Variants in AFF3 observed in about 807,000 individuals in gnomAD.
The protein encoded by AFF3 is AF4/FMR2 family member 3.
A neutral mutation model predicts 129.7 loss-of-function variants in AFF3; 32 were observed. That is an observed-to-expected ratio of 0.25 (90% confidence interval 0.19 to 0.33). AFF3 has a LOEUF of 0.33. AFF3 is among the 10% of genes least tolerant of loss of function. The pLI is 1.00. For synonymous variants in AFF3, 644 were observed against 635.4 expected (o/e 1.01, Z -0.20); for missense variants, 1,373 against 1,592.0 (o/e 0.86, Z 2.34).
rs572661455 is a variant in AFF3 at position 99,760,586 on chromosome 2, C to T, written c.922-8285G>A. ...TTTCATTACAAGGACACTGATCCCA[C>T]GTCACTGTAGCCATGGTCCTCACCC... On this transcript the variant is annotated intron_variant, in intron 8 of 24. Coordinates refer to ENST00000672756, the MANE Select transcript of AFF3 (RefSeq NM_001386135.1). 1.1e-4 allele frequency among the ~76,000 whole-genome samples: 17 copies of T among 152,300 alleles called. No individual in the cohort carries two copies. In the South Asian group the frequency reaches 1.9e-3, roughly 17 times the overall value.
chr2:99,618,221 A>ATTTT (rs1681632191), intron 13 of AFF3, among the ~76,000 whole-genome samples: 2 of 103,468 alleles, frequency 1.9e-5, no homozygotes, highest in East Asian at 2.7e-4. Context: ...TGCTCATAAC[A>ATTTT]TTCTTTTTTT....
intron 8 of AFF3, among the ~76,000 whole-genome samples, chr2:99,790,948 G>A (rs1229919039): frequency 2.0e-5 from 3 of 152,204 alleles, no homozygotes; most frequent in African/African-American, 7.2e-5. Flanking sequence ...TATACCCATA[G>A]AATGGAACGC....
intron 13 of AFF3, among the ~76,000 whole-genome samples, chr2:99,644,334 CT>C (rs1684493152): frequency 3.3e-5 from 5 of 151,524 alleles, no homozygotes; most frequent in Admixed American, 2.6e-4. Flanking sequence ...TTCATGTTGG[CT>C]TTTTTGCTCG....
intron 7 of AFF3, among the ~76,000 whole-genome samples, chr2:99,980,697 T>C (rs193118589): frequency 1.8e-4 from 28 of 152,378 alleles, no homozygotes; most frequent in Admixed American, 4.6e-4. Context: ...TCAGTCACTG[T>C]ATTGTATTTA....
chr2:99,890,888 T>C (rs1000396089), intron 7 of AFF3, among the ~76,000 whole-genome samples: 10 of 152,104 alleles, frequency 6.6e-5, no homozygotes, highest in Admixed American at 5.9e-4. Context: ...TGTCTTCTGA[T>C]AGCCAAACTG....
At chr2:99,955,123 A>G (rs1676519451) in intron 7 of AFF3, among the ~76,000 whole-genome samples, 1 of 152,176 alleles carries the variant, frequency 6.6e-6, no homozygotes, top group South Asian at 2.1e-4. Context: ...GTAATTGTAT[A>G]ACATACAAAA....
intron 2 of AFF3, among the ~76,000 whole-genome samples, chr2:100,121,863 C>T (rs571748630): frequency 4.6e-5 from 7 of 151,386 alleles, no homozygotes; most frequent in African/African-American, 1.7e-4. Flanking sequence ...GAGATCGAGA[C>T]CATCCTGGCT....
At chr2:99,996,082 C>T (rs1680808602) in intron 7 of AFF3, among the ~76,000 whole-genome samples, 1 of 152,036 alleles carries the variant, frequency 6.6e-6, no homozygotes, top group Admixed American at 6.5e-5. Flanking sequence ...AAACCTAAAA[C>T]AGCTTAGATA....
At chr2:100,104,854 T>G in intron 3 of AFF3, 1 of 475,050 alleles carries the variant, frequency 2.1e-6, no homozygotes, top group Non-Finnish European at 2.7e-6. Context: ...CCCGCCTCTT[T>G]CTCCTCCGGG....
At chr2:100,072,587 G>A (rs1316381104) in intron 4 of AFF3, among the ~76,000 whole-genome samples, 1 of 152,162 alleles carries the variant, frequency 6.6e-6, no homozygotes, top group Non-Finnish European at 1.5e-5. Context: ...TGTCCTACTG[G>A]TAAAGCCTGC....
At chr2:99,824,251 G>C (rs1378617566) in intron 8 of AFF3, among the ~76,000 whole-genome samples, 4 of 152,030 alleles carry the variant, frequency 2.6e-5, no homozygotes, top group African/African-American at 4.8e-5. Context: ...CAGTAGCTGG[G>C]ATTACAGGCA....
intron 11 of AFF3, chr2:99,707,762 T>A: frequency 1.7e-6 from 1 of 579,514 alleles, no homozygotes; most frequent in Non-Finnish European, 2.2e-6. Flanking sequence ...GCAGACTTTT[T>A]CCATCCTATG....
At chr2:99,719,730 TG>T (rs1258161706) in intron 11 of AFF3, among the ~76,000 whole-genome samples, 43 of 152,342 alleles carry the variant, frequency 2.8e-4, no homozygotes, top group African/African-American at 1.0e-3. Flanking sequence ...TTCTGTCTTC[TG>T]GCTTCAACCT....
chr2:99,742,444 C>T (rs1680795484), intron 10 of AFF3, among the ~76,000 whole-genome samples: 1 of 152,184 alleles, frequency 6.6e-6, no homozygotes, highest in South Asian at 2.1e-4. Flanking sequence ...TTTTATACCA[C>T]ACAGGGATAG....
At chr2:99,632,502 C>T (rs1016501891) in intron 13 of AFF3, among the ~76,000 whole-genome samples, 10 of 152,082 alleles carry the variant, frequency 6.6e-5, no homozygotes, top group African/African-American at 2.4e-4. Flanking sequence ...AGCTATGGTC[C>T]GTCCAGGGCA....
intron 8 of AFF3, among the ~76,000 whole-genome samples, chr2:99,779,994 T>C (rs561232004): frequency 6.6e-6 from 1 of 152,186 alleles, no homozygotes; most frequent in Admixed American, 6.5e-5. Context: ...AAAGAACACA[T>C]CTCATTCAAA....
chr2:100,105,404 C>G (rs1691210197), intron 3 of AFF3, 100 bp downstream of exon 3: 1 of 1,304,364 alleles, frequency 7.7e-7, no homozygotes, highest in Non-Finnish European at 1.0e-6. Context: ...CTCTTCCACC[C>G]GGACCTGCTC....
At chr2:100,069,082 AT>A (rs71378108) in intron 4 of AFF3, among the ~76,000 whole-genome samples, 19,445 of 149,476 alleles carry the variant, frequency 0.13, 1,584 homozygotes, top group South Asian at 0.2. Context: ...CTCTCTAGTT[AT>A]TTTTTTTTTA....
chr2:100,119,268 C>A (rs971652232), intron 2 of AFF3, among the ~76,000 whole-genome samples: 4 of 152,154 alleles, frequency 2.6e-5, no homozygotes, highest in Admixed American at 6.5e-5. Context: ...TGGTAAAGTC[C>A]CTGTGATTAC....
Sources: allele counts gnomAD v4.1 joint callset (sites outside exome capture counted in the v4.1 genomes callset), GRCh38; gene constraint gnomAD v4.1.1; transcripts MANE v1.5; gene names NCBI Gene and HGNC (gene_info 2026-07-23, HGNC 2026-07-21).